SENP1: variants seen among roughly 807,000 people sequenced by gnomAD.
SENP1 encodes sentrin-specific protease 1.
In SENP1, 21 loss-of-function variants were observed where a neutral mutation model predicts 93.0. The observed-to-expected ratio is 0.23, with a 90% CI of 0.16 to 0.33. The LOEUF is 0.33. SENP1 is among the 10% of genes least tolerant of loss of function. SENP1 has a pLI of 1.00. For synonymous variants in SENP1, 256 were observed against 259.6 expected (o/e 0.99, Z 0.13); for missense variants, 591 against 758.7 (o/e 0.78, Z 2.60).
At chr12:48,085,121 C>G in intron 5 of SENP1, 14 of 1,404,698 alleles carry the variant, frequency 1.0e-5, no homozygotes, top group Non-Finnish European at 1.4e-5. Flanking sequence ...TGACTGGTTT[C>G]CTGCTGGGCA....
At chr12:48,095,096 C>G (rs764969652) in intron 4 of SENP1, among the ~76,000 whole-genome samples, 1 of 152,210 alleles carries the variant, frequency 6.6e-6, no homozygotes, top group Non-Finnish European at 1.5e-5. Flanking sequence ...ACCTAAATCA[C>G]ATTTAAATAT....
chr12:48,105,974 T>A (rs1219782089), intron 1 of SENP1, 54 bp downstream of exon 1: 2 of 699,534 alleles, frequency 2.9e-6, no homozygotes, highest in Non-Finnish European at 5.2e-6. Flanking sequence ...CACAGTCTCC[T>A]GGACCAGGCT....
At chr12:48,069,704 G>T (rs1943548224) in intron 9 of SENP1, among the ~76,000 whole-genome samples, 1 of 152,108 alleles carries the variant, frequency 6.6e-6, no homozygotes. Context: ...GGAAACTGAG[G>T]TTCATAAGAG....
intron 13 of SENP1, among the ~76,000 whole-genome samples, chr12:48,057,635 C>CGG (rs112332775): frequency 6.1e-5 from 9 of 148,416 alleles, no homozygotes; most frequent in African/African-American, 1.7e-4. Context: ...TTAATTGAAA[C>CGG]AGTCTTGCTC....
At chr12:48,092,677 T>C (rs1945291225) in intron 4 of SENP1, among the ~76,000 whole-genome samples, 1 of 152,340 alleles carries the variant, frequency 6.6e-6, no homozygotes, top group East Asian at 1.9e-4. Flanking sequence ...GTAACTGTTA[T>C]AATTATTTTC....
intron 13 of SENP1, among the ~76,000 whole-genome samples, chr12:48,055,841 T>C (rs144742303): frequency 0.027 from 3,866 of 143,652 alleles, 172 homozygotes; most frequent in African/African-American, 0.092. Flanking sequence ...TATATTTATA[T>C]ATATTAATGT....
chr12:48,046,522 C>A (rs1430684839), intron 16 of SENP1, 71 bp from the exon 17 acceptor site: 1 of 1,075,240 alleles, frequency 9.3e-7, no homozygotes, highest in South Asian at 1.3e-5. Flanking sequence ...AAATAAGAAC[C>A]AAAAGATATA....
In SENP1 at chr12:48,083,706, T is replaced by C; in HGVS notation, c.437A>G (p.Tyr146Cys). The C allele has an allele frequency of 1.2e-6, 2 of 1,613,444 alleles. No individual in the cohort carries two copies. The highest frequency in any genetic ancestry group is 1.7e-6 in the Non-Finnish European group (2 of 1,179,564). Residue 146 changes from tyrosine (Y) to cysteine (C), a missense_variant, in exon 6 of 18, where the codon TAT becomes TGT. This residue lies in a region of SENP1 where 214 missense variants were observed against 243.4 expected (regional missense o/e 0.88). Coordinates refer to ENST00000549518, the MANE Select transcript of SENP1 (RefSeq NM_001267594.2). ...KSNHHCHVSA[Y>C]EKSFPIKPVP... is the part of the protein sequence containing the mutation. ...AGGTTTAATAGGAAAAGATTTTTCA[T>C]ATGCAGATACATGGCAGTGATGGTT...
Position 48,071,662 on chromosome 12 carries a change from T to C in SENP1, c.995+5A>G. 2 of 1,592,128 alleles carry C rather than the reference T, an allele frequency of 1.3e-6. No individual in the cohort carries two copies. The highest frequency in any genetic ancestry group is 8.6e-7 in the Non-Finnish European group (1 of 1,161,344). ...AATAAAGAACAAGCTTTTTCCAAAG[T>C]TTACCTGGGAGTTGGAGTCTGGGAA... On this transcript the variant is annotated splice_donor_5th_base_variant and intron_variant, in intron 9 of 17. Coordinates refer to ENST00000549518, the MANE Select transcript of SENP1 (RefSeq NM_001267594.2).
chr12:48,059,980 C>T (rs1287370522), intron 13 of SENP1, among the ~76,000 whole-genome samples: 3 of 152,142 alleles, frequency 2.0e-5, no homozygotes, highest in South Asian at 2.1e-4. Context: ...TTTCCCCAGC[C>T]TCTGGTAGCT....
Position 48,088,947 on chromosome 12 carries a change from T to A in SENP1, c.234A>T (p.Ser78=), listed in dbSNP as rs756512374. ...AATCGCCTGAGCCAAGAAAACTGTCTGAGGAAGGATTATCTAAAAAAATAA... is the reference window on the plus strand; with the variant it reads ...AATCGCCTGAGCCAAGAAAACTGTCAGAGGAAGGATTATCTAAAAAAATAA... ...NPSYYSDNPS[S]DSFLGSGDLR... Residue 78 remains serine (S), a synonymous_variant, in exon 5 of 18, where the codon TCA becomes TCT. Coordinates refer to ENST00000549518, the MANE Select transcript of SENP1 (RefSeq NM_001267594.2). 6.3e-7 allele frequency: 1 copy of A among 1,580,816 alleles called. No individual in the cohort carries two copies. Among genetic ancestry groups the A allele is most frequent in the Non-Finnish European group, 8.6e-7 (1 of 1,165,382 alleles).
rs1159729489 is a variant in SENP1 at position 48,066,192 on chromosome 12, G to GTTTA, written c.1035-516_1035-513dup. The stretch of plus-strand genomic sequence containing the variant: ...GAAACGAATACAAGATATCACTGAA[G>GTTTA]TTTAATTCAAATACTTCATTTTTGA... On this transcript the variant is annotated intron_variant, in intron 10 of 17. Coordinates refer to ENST00000549518, the MANE Select transcript of SENP1 (RefSeq NM_001267594.2). Among the ~76,000 whole-genome samples, 5 of 152,282 alleles carry GTTTA rather than the reference G, an allele frequency of 3.3e-5. No individual in the cohort carries two copies. The East Asian group carries it at 9.6e-4, about 29-fold the overall frequency.
intron 2 of SENP1, among the ~76,000 whole-genome samples, chr12:48,099,309 CAG>C (rs924000265): frequency 2.0e-4 from 30 of 151,674 alleles, no homozygotes; most frequent in African/African-American, 7.0e-4. Context: ...GCCTGGGTGA[CAG>C]AGTGAGACCC....
intron 10 of SENP1, among the ~76,000 whole-genome samples, chr12:48,066,462 A>C (rs1052344681): frequency 6.6e-6 from 1 of 152,036 alleles, no homozygotes; most frequent in African/African-American, 2.4e-5. Flanking sequence ...AAATGTTCCA[A>C]CTCCAACAAT....
chr12:48,057,502 T>C (rs1317795972), intron 13 of SENP1, among the ~76,000 whole-genome samples: 3 of 148,686 alleles, frequency 2.0e-5, no homozygotes, highest in Non-Finnish European at 4.5e-5. Context: ...AGTGCTGGGA[T>C]TACAGGTGTG....
Position 48,045,289 on chromosome 12 carries a change from C to T in SENP1, c.*33G>A, listed in dbSNP as rs745647001. Reference sequence around the variant, plus strand: ...TGTAGACAACAAAGAGCTGGTCCCCCACATGGTCAAGGTCTGCTAAGTGAG... The same window carrying T: ...TGTAGACAACAAAGAGCTGGTCCCCTACATGGTCAAGGTCTGCTAAGTGAG... On this transcript the variant is annotated 3_prime_UTR_variant, in exon 18 of 18. Transcript: ENST00000549518. The T allele has an allele frequency of 5.0e-6, 8 of 1,590,304 alleles. No homozygotes were observed. The East Asian group carries it at 8.9e-5, about 18-fold the overall frequency.
chr12:48,051,203 G>C (rs892668798), intron 13 of SENP1, among the ~76,000 whole-genome samples: 1 of 152,090 alleles, frequency 6.6e-6, no homozygotes, highest in Non-Finnish European at 1.5e-5. Flanking sequence ...CCTGAGTTTT[G>C]CTTGTTTTTT....
At chr12:48,083,210 T>C (rs1944609687) in intron 6 of SENP1, among the ~76,000 whole-genome samples, 1 of 152,136 alleles carries the variant, frequency 6.6e-6, no homozygotes, top group Non-Finnish European at 1.5e-5. Flanking sequence ...TGGACTGAAA[T>C]AAAATTTTAT....
chr12:48,099,106 G>A (rs902474357), intron 2 of SENP1: 1 of 151,950 alleles, frequency 6.6e-6, no homozygotes, highest in African/African-American at 2.4e-5. Flanking sequence ...CGAATGGCTT[G>A]AGCCCAGGAG....
Sources: gnomAD v4.1 joint callset for allele counts (sites outside exome capture counted in the v4.1 genomes callset) on GRCh38, gnomAD v4.1.1 for gene constraint, gnomAD v4.1.1 regional missense constraint, MANE v1.5 for transcripts, NCBI Gene and HGNC (gene_info 2026-07-23, HGNC 2026-07-21) for gene names.